The following MOCOS variants were observed in gnomAD, a reference collection of about 807,000 sequenced individuals.
MOCOS encodes human molybdenum cofactor sulfurase.
MOCOS carries 86 observed loss-of-function variants against 83.6 expected under a neutral mutation model. That is an observed-to-expected ratio of 1.03 (90% CI 0.86 to 1.23). The LOEUF is 1.23. Ranked by LOEUF, MOCOS falls within the 50% of genes most tolerant of loss-of-function variation. MOCOS has a pLI of 0.00. For synonymous variants in MOCOS, 445 were observed against 434.7 expected, an observed-to-expected ratio of 1.02 and a Z score of -0.29; for missense variants, 1,120 against 1,126.9, an observed-to-expected ratio of 0.99 and a Z score of 0.09.
chr18:36,217,988 C>T (rs617505), intron 8 of MOCOS, among the ~76,000 whole-genome samples: 67,406 of 151,886 alleles, frequency 0.44, 15,353 homozygotes, highest in African/African-American at 0.53. Flanking sequence ...TATACCAGAA[C>T]GGTCAACCCA....
At position 36,195,257 on chromosome 18, in the gene MOCOS, G is replaced by C. The variant is rs778766392; in HGVS notation, c.143G>C (p.Gly48Ala). The change falls in exon 2 of 15, where the codon GGA becomes GCA. Residue 48 changes from glycine (G) to alanine (A), a missense_variant and splice_region_variant. Transcript: ENST00000261326. ...GTATTTATTTTGTGTTTTCTTTCAG[G>C]AACTGTCTATCTTGACCATGCAGGT... ...LRAREFSRLA[G>A]TVYLDHAGAT... 1.9e-6 allele frequency: 3 copies of C among 1,613,750 alleles called. No individual in the cohort carries two copies. In the Admixed American group the frequency reaches 5.0e-5, roughly 27 times the overall value.
intron 12 of MOCOS, among the ~76,000 whole-genome samples, 170 bp from the exon 13 acceptor site, chr18:36,259,867 G>T (rs1241844378): frequency 6.6e-6 from 1 of 152,212 alleles, no homozygotes; most frequent in Non-Finnish European, 1.5e-5. Flanking sequence ...TAGCAGATGG[G>T]TGTCTCTTGG....
At chr18:36,225,036 G>A (rs1856384163) in intron 9 of MOCOS, among the ~76,000 whole-genome samples, 1 of 152,092 alleles carries the variant, frequency 6.6e-6, no homozygotes, top group African/African-American at 2.4e-5. Context: ...TATCCAGTTT[G>A]TTGGCATATA....
Position 36,195,392 on chromosome 18 carries a change from T to C in MOCOS, c.232+46T>C, listed in dbSNP as rs901173297. 2.7e-6 allele frequency: 4 copies of C among 1,458,354 alleles called. No homozygotes were observed. In the African/African-American group the frequency reaches 5.6e-5, roughly 20 times the overall value. The allele number at this position is 1,458,354 out of a possible 1,614,324, so 90.3% of individuals were successfully genotyped here. On this transcript the variant is annotated intron_variant, in intron 2 of 14. Coordinates refer to ENST00000261326, the MANE Select transcript of MOCOS (RefSeq NM_017947.4). ...CAGGTTTTAGTCAACTACATGCAGC[T>C]GATATACCTGTGCATGTTAAACGCT...
chr18:36,256,926 C>G (rs1439375280), intron 11 of MOCOS, 42 bp from the exon 12 acceptor site: 2 of 1,515,942 alleles, frequency 1.3e-6, no homozygotes. Flanking sequence ...CACTGGCATT[C>G]TGAGAAAGCA....
chr18:36,197,254 C>T (rs561326381), intron 2 of MOCOS, among the ~76,000 whole-genome samples: 2 of 152,178 alleles, frequency 1.3e-5, no homozygotes, highest in East Asian at 1.9e-4. Flanking sequence ...GATTAAGTGG[C>T]GTTCATGGCT....
At chr18:36,253,270 G>A (rs760569688) in intron 11 of MOCOS, among the ~76,000 whole-genome samples, 1 of 152,164 alleles carries the variant, frequency 6.6e-6, no homozygotes, top group Non-Finnish European at 1.5e-5. Flanking sequence ...ATGCTGCAAC[G>A]TAAGAGATGT....
At position 36,201,663 on chromosome 18, in the gene MOCOS, C is replaced by CA. The variant is rs200846253; in HGVS notation, c.941+1355dup. ...TGGTGACAGAGCAAGACTCCATCTC[C>CA]AAAAAAAAAAAAAAAAGAAATGATA... is the stretch of plus-strand genomic sequence containing the variant. On this transcript the variant is annotated intron_variant, in intron 4 of 14. Coordinates refer to ENST00000261326, the MANE Select transcript of MOCOS (RefSeq NM_017947.4). 3.1e-3 allele frequency among the ~76,000 whole-genome samples: 218 copies of CA among 69,462 alleles called. 7 individuals are homozygous for CA. Among genetic ancestry groups the CA allele is most frequent in the East Asian group, 0.028 (57 of 2,070 alleles). The allele number at this position is 69,462 out of a possible 152,430, so 45.6% of individuals were successfully genotyped here. A position where few individuals can be genotyped will look rare whatever the true frequency, so the allele number is the denominator to read the frequency against.
intron 12 of MOCOS, among the ~76,000 whole-genome samples, chr18:36,259,195 C>A (rs527551261): frequency 2.0e-5 from 3 of 152,190 alleles, no homozygotes; most frequent in Admixed American, 2.0e-4. Context: ...GTAATCCCAG[C>A]ACTTTGAGAG....
intron 10 of MOCOS, among the ~76,000 whole-genome samples, chr18:36,249,907 T>C (rs552991041): frequency 4.6e-5 from 7 of 152,292 alleles, no homozygotes; most frequent in African/African-American, 1.7e-4. Flanking sequence ...TCTAATCTGG[T>C]TTGCTGATGA....
intron 9 of MOCOS, among the ~76,000 whole-genome samples, chr18:36,226,069 C>T (rs192818876): frequency 6.6e-6 from 1 of 151,852 alleles, no homozygotes; most frequent in Non-Finnish European, 1.5e-5. Flanking sequence ...TCCATTTGGT[C>T]TACAGTATGA....
chr18:36,243,203 G>A (rs1313691866), intron 9 of MOCOS, among the ~76,000 whole-genome samples: 5 of 152,128 alleles, frequency 3.3e-5, no homozygotes, highest in Non-Finnish European at 7.4e-5. Context: ...TAGGTATACA[G>A]TTATATCATT....
chr18:36,206,230 A>AT (rs2091434295), intron 6 of MOCOS, among the ~76,000 whole-genome samples: 1 of 113,426 alleles, frequency 8.8e-6, no homozygotes, highest in East Asian at 2.7e-4. Flanking sequence ...TTTTTATTTT[A>AT]TTTTTTCTTC....
chr18:36,226,452 G>GT (rs71168205), intron 9 of MOCOS, among the ~76,000 whole-genome samples: 7,512 of 150,636 alleles, frequency 0.05, 234 homozygotes, highest in Non-Finnish European at 0.068. Context: ...ATACAGTTGG[G>GT]TTTTTTTTTA....
At chr18:36,187,790 C>T (rs1598865957) in intron 1 of MOCOS, 109 bp downstream of exon 1, 1 of 1,177,952 alleles carries the variant, frequency 8.5e-7, no homozygotes. Flanking sequence ...CATTTTGAAT[C>T]GAAACTCCAG....
rs1053984589 is a variant in MOCOS, at chr18:36,200,250, C to T, written c.867C>T (p.Tyr289=). ...NRAAPLLRKT[Y]FGGGTASAYL... is the part of the protein sequence containing the mutation. ...CGGCTCCTCTACTGAGGAAGACCTA[C>T]TTTGGAGGAGGGACAGCCTCTGCGT... is the stretch of plus-strand genomic sequence containing the variant. Residue 289 remains tyrosine (Y), a synonymous_variant, in exon 4 of 15, where the codon TAC becomes TAT. Transcript: ENST00000261326. The T allele has an allele frequency of 6.2e-7, 1 of 1,614,178 alleles. No homozygotes were observed. Among genetic ancestry groups the T allele is most frequent in the Non-Finnish European group, 8.5e-7 (1 of 1,180,030 alleles).
At chr18:36,253,688 G>A (rs1445677657) in intron 11 of MOCOS, among the ~76,000 whole-genome samples, 5 of 151,304 alleles carry the variant, frequency 3.3e-5, no homozygotes, top group Non-Finnish European at 7.4e-5. Context: ...AGGAGAGTAC[G>A]AATTTTTCAG....
chr18:36,212,719 C>G (rs1468181164), intron 6 of MOCOS, among the ~76,000 whole-genome samples: 2 of 152,190 alleles, frequency 1.3e-5, no homozygotes, highest in Non-Finnish European at 2.9e-5. Context: ...TGACCTCTGG[C>G]CACCCCACAT....
In MOCOS at chr18:36,199,846, G is replaced by A. The variant is rs537322747; in HGVS notation, c.463G>A (p.Val155Ile). ...TTACCTCACCGACAGCCACACCTCC[G>A]TAGTGGGTATGCGGAACGTGACCAT... is the stretch of plus-strand genomic sequence containing the variant. ...FCYLTDSHTS[V>I]VGMRNVTMAI... Residue 155 changes from valine to isoleucine, a missense_variant, in exon 4 of 15, where the codon GTA becomes ATA. By Grantham distance (29) the Val-to-Ile change is conservative. Transcript: ENST00000261326. 62 of 1,613,000 alleles carry A rather than the reference G, an allele frequency of 3.8e-5. No individual in the cohort carries two copies. The Middle Eastern group carries it at 6.6e-4, about 17-fold the overall frequency.
Sources: allele counts gnomAD v4.1 joint callset (sites outside exome capture counted in the v4.1 genomes callset), GRCh38; gene constraint gnomAD v4.1.1; transcripts MANE v1.5; gene names NCBI Gene and HGNC (gene_info 2026-07-23, HGNC 2026-07-21).